The following FBXL7 variants were observed in gnomAD, a reference collection of about 807,000 sequenced individuals.
FBXL7 encodes F-box and leucine rich repeat protein 7.
In FBXL7, 12 loss-of-function variants were observed where a neutral mutation model predicts 38.3. That is an observed-to-expected ratio of 0.31 (90% CI 0.20 to 0.51). The LOEUF (loss-of-function observed/expected upper bound fraction) is 0.51. FBXL7 is among the 20% of genes least tolerant of loss of function. The pLI is 0.98. For synonymous variants in FBXL7, 297 were observed against 300.9 expected, an observed-to-expected ratio of 0.99 and a Z score of 0.13; for missense variants, 567 against 676.4, an observed-to-expected ratio of 0.84 and a Z score of 1.79.
At chr5:15,793,320 G>C (rs543249023) in intron 2 of FBXL7, among the ~76,000 whole-genome samples, 4 of 152,176 alleles carry the variant, frequency 2.6e-5, no homozygotes, top group African/African-American at 9.7e-5. Flanking sequence ...GAAGGGTCTG[G>C]GGAGACTCCC....
At chr5:15,667,402 T>A (rs771645783) in intron 2 of FBXL7, among the ~76,000 whole-genome samples, 1 of 152,176 alleles carries the variant, frequency 6.6e-6, no homozygotes, top group East Asian at 1.9e-4. Flanking sequence ...TTCTAAAACT[T>A]TAACTTCTTA....
At chr5:15,742,892 C>T (rs757355901) in intron 2 of FBXL7, among the ~76,000 whole-genome samples, 1 of 152,158 alleles carries the variant, frequency 6.6e-6, no homozygotes, top group Non-Finnish European at 1.5e-5. Flanking sequence ...CTTCACATGG[C>T]GGCAGCAAGG....
intron 2 of FBXL7, among the ~76,000 whole-genome samples, chr5:15,807,423 G>A (rs1367700032): frequency 1.3e-5 from 2 of 152,160 alleles, no homozygotes; most frequent in African/African-American, 4.8e-5. Flanking sequence ...CATGGGGAAG[G>A]AAGAACTGTG....
intron 2 of FBXL7, among the ~76,000 whole-genome samples, chr5:15,708,229 G>T (rs1010666341): frequency 6.6e-6 from 1 of 152,172 alleles, no homozygotes; most frequent in Non-Finnish European, 1.5e-5. Context: ...TCACAGGGCT[G>T]TCCATCCTTT....
At chr5:15,657,842 T>TA (rs70938025) in intron 2 of FBXL7, among the ~76,000 whole-genome samples, 7,972 of 146,794 alleles carry the variant, frequency 0.054, 246 homozygotes, top group African/African-American at 0.097. Context: ...TTGTCTAAAT[T>TA]AAAAAAAAAA....
intron 1 of FBXL7, among the ~76,000 whole-genome samples, chr5:15,519,854 GTTCTTGGATCTCTCACAAGAAAGAA>G (rs1323624226): frequency 6.6e-6 from 1 of 152,152 alleles, no homozygotes; most frequent in Non-Finnish European, 1.5e-5. Context: ...CTAAGAGAAG[GTTCTTGGATCTCTCACAAGAAAGAA>G]TTCAGGGCGA....
intron 1 of FBXL7, among the ~76,000 whole-genome samples, chr5:15,520,142 T>C (rs529348698): frequency 2.2e-4 from 33 of 152,284 alleles, no homozygotes; most frequent in African/African-American, 7.9e-4. Flanking sequence ...CAACCAGAGG[T>C]CACTCTTGTG....
intron 2 of FBXL7, among the ~76,000 whole-genome samples, chr5:15,796,961 C>T (rs1364231416): frequency 6.6e-6 from 1 of 152,192 alleles, no homozygotes; most frequent in African/African-American, 2.4e-5. Flanking sequence ...TTTATTTTTA[C>T]ATACATACAA....
chr5:15,570,329 T>G (rs1029947063), intron 1 of FBXL7, among the ~76,000 whole-genome samples: 6 of 152,214 alleles, frequency 3.9e-5, no homozygotes, highest in South Asian at 2.1e-4. Context: ...GAGGGTGTAT[T>G]TGTCGAGGAA....
intron 1 of FBXL7, among the ~76,000 whole-genome samples, chr5:15,526,397 T>A: frequency 6.6e-6 from 1 of 152,282 alleles, no homozygotes; most frequent in East Asian, 1.9e-4. Context: ...ATACACCTTG[T>A]CTGGGAAGAA....
rs7708722 is a variant in FBXL7, at chr5:15,898,342, A to G, written c.128-29548A>G. On this transcript the variant is annotated intron_variant, in intron 2 of 3. Coordinates refer to ENST00000504595, the MANE Select transcript of FBXL7 (RefSeq NM_012304.5). The stretch of plus-strand genomic sequence containing the variant: ...TGTTAATTTACTTGAAAACATGACG[A>G]AAAGGCCTAAGCAATGGTCACCAAA... Among the ~76,000 whole-genome samples, 1,047 of 150,796 alleles carry G rather than the reference A, an allele frequency of 6.9e-3. 18 individuals carry two copies. The highest frequency in any genetic ancestry group is 0.025 in the African/African-American group (993 of 40,122).
chr5:15,691,447 G>T (rs374267646), intron 2 of FBXL7, among the ~76,000 whole-genome samples: 4 of 152,154 alleles, frequency 2.6e-5, no homozygotes, highest in African/African-American at 9.7e-5. Context: ...CTAACCTGCC[G>T]TCATTTGGCT....
intron 2 of FBXL7, among the ~76,000 whole-genome samples, chr5:15,659,011 C>A: frequency 6.6e-6 from 1 of 152,142 alleles, no homozygotes; most frequent in East Asian, 1.9e-4. Context: ...ATGTTTGCTT[C>A]CCCGTCCATC....
chr5:15,695,060 G>C (rs1459648850), intron 2 of FBXL7, among the ~76,000 whole-genome samples: 3 of 152,162 alleles, frequency 2.0e-5, no homozygotes, highest in Non-Finnish European at 4.4e-5. Flanking sequence ...CTGCCTGAGT[G>C]TCTAACCCAA....
At chr5:15,633,431 A>G (rs762424303) in intron 2 of FBXL7, among the ~76,000 whole-genome samples, 9 of 152,212 alleles carry the variant, frequency 5.9e-5, no homozygotes, top group Non-Finnish European at 1.3e-4. Context: ...ACCGACCTGT[A>G]TAGCAGTCAC....
chr5:15,603,198 A>G (rs1482091454), intron 1 of FBXL7, among the ~76,000 whole-genome samples: 2 of 152,162 alleles, frequency 1.3e-5, no homozygotes, highest in Non-Finnish European at 2.9e-5. Context: ...CTAGCCTAAT[A>G]TGAACTGTGT....
At chr5:15,642,678 TTAGATAGGAGACAGACC>T (rs1044541301) in intron 2 of FBXL7, among the ~76,000 whole-genome samples, 27 of 152,194 alleles carry the variant, frequency 1.8e-4, no homozygotes, top group African/African-American at 1.9e-4. Flanking sequence ...CTTTGTACTC[TTAGATAGGAGACAGACC>T]TAGATAGGAG....
At chr5:15,595,626 C>CT (rs753112895) in intron 1 of FBXL7, among the ~76,000 whole-genome samples, 1 of 152,150 alleles carries the variant, frequency 6.6e-6, no homozygotes, top group Admixed American at 6.5e-5. Flanking sequence ...CAACTAGGTG[C>CT]TTTACATGTG....
At chr5:15,545,037 T>C (rs1308901537) in intron 1 of FBXL7, among the ~76,000 whole-genome samples, 1 of 152,230 alleles carries the variant, frequency 6.6e-6, no homozygotes, top group East Asian at 1.9e-4. Flanking sequence ...TTCTGCACTT[T>C]CTTTACAAGT....
Sources: allele counts gnomAD v4.1 joint callset (sites outside exome capture counted in the v4.1 genomes callset), GRCh38; gene constraint gnomAD v4.1.1; transcripts MANE v1.5; gene names NCBI Gene and HGNC (gene_info 2026-07-23, HGNC 2026-07-21).